The following KCNN4 variants were observed in gnomAD, a reference collection of about 807,000 sequenced individuals.
KCNN4 encodes potassium calcium-activated channel subfamily N member 4.
Under a neutral mutation model 45.2 loss-of-function variants are expected in KCNN4, and 31 were observed. That is an observed-to-expected ratio of 0.69 (90% confidence interval 0.52 to 0.92). The LOEUF (loss-of-function observed/expected upper bound fraction) is 0.92. KCNN4 is among the 40% of genes least tolerant of loss of function. The pLI is 0.00. For missense variants in KCNN4, 463 were observed against 574.0 expected, an observed-to-expected ratio of 0.81 and a Z score of 1.98; for synonymous variants, 231 against 254.6, an observed-to-expected ratio of 0.91 and a Z score of 0.88.
At chr19:43,771,433 A>G (rs1969640453) in intron 4 of KCNN4, among the ~76,000 whole-genome samples, 1 of 152,122 alleles carries the variant, frequency 6.6e-6, no homozygotes, top group South Asian at 2.1e-4. Context: ...GCCCCGAGAG[A>G]TCACGTGGCT....
In KCNN4 at chr19:43,769,492, C is replaced by A; in HGVS notation, c.999G>T (p.Glu333Asp). Residue 333 changes from glutamate to aspartate, a missense_variant, in exon 6 of 9, where the codon GAG (glutamate) becomes GAT (aspartate). This residue lies in a region of KCNN4 where 129 missense variants were observed against 149.4 expected (regional missense o/e 0.86). Coordinates refer to ENST00000648319, the MANE Select transcript of KCNN4 (RefSeq NM_002250.3). This position sits in a 1 kb window ranked among gnomAD's most constrained non-coding sequence, Gnocchi z 4.4. ...WMFYKHTRRK[E>D]SHAARRHQRK... ...GCTGATGCCTGCGGGCAGCATGAGA[C>A]TCCTTCCTGCGAGTATGTTTGTAGA... 6.2e-7 allele frequency: 1 copy of A among 1,614,228 alleles called. No homozygotes were observed. Among genetic ancestry groups the A allele is most frequent in the Non-Finnish European group, 8.5e-7 (1 of 1,180,046 alleles).
At position 43,774,452 on chromosome 19, in the gene KCNN4, C is replaced by T. The variant is rs1463301772; in HGVS notation, c.423G>A (p.Trp141Ter). The change falls in exon 3 of 9, where the codon TGG (tryptophan) becomes TGA (stop). Residue 141 changes from tryptophan to a stop codon, truncating the protein, a stop_gained. Coordinates refer to ENST00000648319, the MANE Select transcript of KCNN4 (RefSeq NM_002250.3). LOFTEE classifies it high-confidence loss of function. This position sits in a 1 kb window ranked among gnomAD's most constrained non-coding sequence, Gnocchi z 5.6. The stretch of plus-strand genomic sequence containing the variant: ...CTTCCCCTTGGCCCAGGAATCCCGG[C>T]CAGGGCTGCGGGGAGGTCAGCGGCG... ...LGAPLTSPQP[W>*]PGFLGQGEAL... The T allele has an allele frequency of 4.4e-6, 7 of 1,595,308 alleles. No homozygotes were observed. The highest frequency in any genetic ancestry group is 1.3e-5 in the African/African-American group (1 of 74,530).
At position 43,774,557 on chromosome 19, in the gene KCNN4, C is replaced by T. The variant is rs2146455707; in HGVS notation, c.318G>A (p.Ala106=). 6.4e-7 allele frequency: 1 copy of T among 1,557,856 alleles called. No homozygotes were observed. The highest frequency in any genetic ancestry group is 1.7e-4 in the Middle Eastern group (1 of 5,796). The change falls in exon 3 of 9, where the codon GCG becomes GCA. Residue 106 remains alanine (A), a synonymous_variant. Coordinates refer to ENST00000648319, the MANE Select transcript of KCNN4 (RefSeq NM_002250.3). This position sits in a 1 kb window ranked among gnomAD's most constrained non-coding sequence, Gnocchi z 5.6. ...WRVALTGRQA[A]QIVLELVVCG... is the part of the protein sequence containing the mutation. Reference sequence around the variant, plus strand: ...ACACCACCAGCTCCAGCACGATCTGCGCCGCCTGCCGCCCGGTCAGCGCCA... The same window carrying T: ...ACACCACCAGCTCCAGCACGATCTGTGCCGCCTGCCGCCCGGTCAGCGCCA...
At chr19:43,779,844 A>C (rs946539514) in intron 1 of KCNN4, among the ~76,000 whole-genome samples, 3 of 151,854 alleles carry the variant, frequency 2.0e-5, no homozygotes, top group Non-Finnish European at 4.4e-5. Flanking sequence ...GGCCACTGTA[A>C]GCCTACCTCT....
rs1454757281 is a variant in KCNN4 at position 43,769,988 on chromosome 19, C to A, written c.820-159G>T. ...AAGGTCCCAGCTCAGAGCGGTGGAGCTAGAATCATAAATCGCATACGTCCG... is the reference window on the plus strand; with the variant it reads ...AAGGTCCCAGCTCAGAGCGGTGGAGATAGAATCATAAATCGCATACGTCCG... On this transcript the variant is annotated intron_variant, in intron 4 of 8. Coordinates refer to ENST00000648319, the MANE Select transcript of KCNN4 (RefSeq NM_002250.3). The surrounding 1 kb of genome is among the most constrained non-coding windows in gnomAD (Gnocchi z 4.4). 6.6e-6 allele frequency among the ~76,000 whole-genome samples: 1 copy of A among 152,042 alleles called. No individual in the cohort carries two copies. The highest frequency in any genetic ancestry group is 1.5e-5 in the Non-Finnish European group (1 of 68,022).
Position 43,772,172 on chromosome 19 carries a change from A to G in KCNN4, c.684-37T>C, listed in dbSNP as rs1227557977. 1 of 1,607,382 alleles carries G rather than the reference A, an allele frequency of 6.2e-7. No homozygotes were observed. The highest frequency in any genetic ancestry group is 2.2e-5 in the East Asian group (1 of 44,612). ...GGTAGGTTAGTTCTAAAACCCCACC[A>G]TAGAGGTTTCCATGATATTCACTCC... On this transcript the variant is annotated intron_variant, in intron 3 of 8. Transcript: ENST00000648319. The surrounding 1 kb of genome is among the most constrained non-coding windows in gnomAD (Gnocchi z 4.4).
intron 1 of KCNN4, among the ~76,000 whole-genome samples, chr19:43,777,946 CA>C (rs1969860792): frequency 6.6e-6 from 1 of 152,228 alleles, no homozygotes; most frequent in African/African-American, 2.4e-5. Flanking sequence ...GCCTGCTCCC[CA>C]ACCCCCTATC....
chr19:43,771,618 G>A (rs185451038), intron 4 of KCNN4, among the ~76,000 whole-genome samples: 87 of 152,292 alleles, frequency 5.7e-4, no homozygotes, highest in Middle Eastern at 3.4e-3. Context: ...TCCCTGAGGA[G>A]GATAAGGGCT....
At chr19:43,775,047 C>T (rs901234156) in intron 2 of KCNN4, among the ~76,000 whole-genome samples, 6 of 152,222 alleles carry the variant, frequency 3.9e-5, no homozygotes, top group African/African-American at 1.4e-4. Flanking sequence ...AGCCATGGGC[C>T]GGGCGCGATG....
rs547792101 is a variant in KCNN4, at chr19:43,766,713, A to C, written c.*380T>G. The stretch of plus-strand genomic sequence containing the variant: ...CCAGTTCTTCAGCTCGGCCAGCGGT[A>C]ACTGAAGCCTCCCAGAATCCTGGAT... On this transcript the variant is annotated 3_prime_UTR_variant, in exon 9 of 9. Transcript: ENST00000648319. The C allele has an allele frequency of 1.3e-5, 2 of 152,726 alleles. No homozygotes were observed. The highest frequency in any genetic ancestry group is 3.9e-4 in the East Asian group (2 of 5,152). 9.5% of individuals were successfully genotyped at this position (152,726 alleles called of 1,614,324 possible).
At chr19:43,768,516 C>T (rs1165289363) in intron 7 of KCNN4, among the ~76,000 whole-genome samples, 3 of 152,240 alleles carry the variant, frequency 2.0e-5, no homozygotes, top group Non-Finnish European at 4.4e-5. Context: ...AGTACCCCTC[C>T]ACAAGAGCAG....
intron 1 of KCNN4, among the ~76,000 whole-genome samples, chr19:43,777,931 C>T (rs1969860309): frequency 6.6e-6 from 1 of 152,204 alleles, no homozygotes; most frequent in South Asian, 2.1e-4. Context: ...TTTCCTGCCC[C>T]AGGGGCCTGC....
Position 43,774,337 on chromosome 19 carries a change from G to C in KCNN4, c.538C>G (p.Arg180Gly). 2 of 1,610,572 alleles carry C rather than the reference G, an allele frequency of 1.2e-6. No homozygotes were observed. The highest frequency in any genetic ancestry group is 1.7e-6 in the Non-Finnish European group (2 of 1,178,478). ...RSGVLLNASY[R>G]SIGALNQVRF... ...ACTTGATTGAGAGCGCCGATGCTGC[G>C]GTAGGAAGCGTTGAGCAGGACGCCG... The change falls in exon 3 of 9, where the codon CGC becomes GGC. Residue 180 changes from arginine (R) to glycine (G), a missense_variant. By Grantham distance (125) the Arg-to-Gly change is moderately radical. This residue lies in a region of KCNN4 where 225 missense variants were observed against 240.9 expected (regional missense o/e 0.93). Transcript: ENST00000648319. This position sits in a 1 kb window ranked among gnomAD's most constrained non-coding sequence, Gnocchi z 5.6.
chr19:43,774,372 A>C lies in KCNN4; in HGVS notation c.503T>G (p.Leu168Arg), dbSNP rs201386431. 10 of 1,605,654 alleles carry C rather than the reference A, an allele frequency of 6.2e-6. No homozygotes were observed. Among genetic ancestry groups the C allele is most frequent in the Non-Finnish European group, 8.5e-6 (10 of 1,176,296 alleles). ...LRLYLVPRAV[L>R]LRSGVLLNAS... ...GTTGAGCAGGACGCCGCTGCGCAGG[A>C]GCACGGCGCGGGGCACCAGGTAGAG... Residue 168 changes from leucine to arginine, a missense_variant, in exon 3 of 9, where the codon CTC (leucine) becomes CGC (arginine). Transcript: ENST00000648319. The surrounding 1 kb of genome is among the most constrained non-coding windows in gnomAD (Gnocchi z 5.6).
intron 2 of KCNN4, among the ~76,000 whole-genome samples, chr19:43,776,190 A>G (rs2163860): frequency 0.41 from 58,652 of 144,494 alleles, 12,099 homozygotes; most frequent in Admixed American, 0.48. Context: ...AGGTTGCTTG[A>G]GGACTGGATT....
At chr19:43,767,199 G>T (rs893013797) in intron 8 of KCNN4, 110 bp from the exon 9 acceptor site, 1 of 258,392 alleles carries the variant, frequency 3.9e-6, no homozygotes, top group Non-Finnish European at 7.8e-6. Context: ...GAGACAGGGG[G>T]CAGGTGTTTC....
intron 3 of KCNN4, among the ~76,000 whole-genome samples, chr19:43,773,935 T>C (rs73567412): frequency 0.029 from 4,418 of 152,116 alleles, 204 homozygotes; most frequent in African/African-American, 0.099. Flanking sequence ...AGGGAGGGGC[T>C]TTCTAGGGTC....
In KCNN4 at chr19:43,769,032, C is replaced by T; in HGVS notation, c.1050G>A (p.Ala350=). The T allele has an allele frequency of 6.2e-7, 1 of 1,614,082 alleles. No homozygotes were observed. The highest frequency in any genetic ancestry group is 1.6e-4 in the Middle Eastern group (1 of 6,062). Reference sequence around the variant, plus strand: ...GGTGTTTCAGCCGCACCTGGCGGAACCTGTGGGAAGAAGTGGGGAGTCAGT... The same window carrying T: ...GGTGTTTCAGCCGCACCTGGCGGAATCTGTGGGAAGAAGTGGGGAGTCAGT... ...HQRKLLAAIN[A]FRQVRLKHRK... The change falls in exon 7 of 9, where the codon GCG becomes GCA. Residue 350 remains alanine, a splice_region_variant and synonymous_variant. Transcript: ENST00000648319. The surrounding 1 kb of genome is among the most constrained non-coding windows in gnomAD (Gnocchi z 4.4).
rs980563068 is a variant in KCNN4 at position 43,780,937 on chromosome 19, T to C, written c.-76A>G. The C allele has an allele frequency of 1.7e-5, 25 of 1,485,728 alleles. No individual in the cohort carries two copies. The African/African-American group carries it at 2.8e-4, about 16-fold the overall frequency. 92.0% of individuals were successfully genotyped at this position (1,485,728 alleles called of 1,614,324 possible). ...CTCGCAGCACGCACAGGGCAGCCAC[T>C]GTGGCTTGCAGGTCGTCAGCCTGCT... On this transcript the variant is annotated 5_prime_UTR_variant, in exon 1 of 9. Coordinates refer to ENST00000648319, the MANE Select transcript of KCNN4 (RefSeq NM_002250.3).
Sources: gnomAD v4.1 joint callset for allele counts (sites outside exome capture counted in the v4.1 genomes callset) on GRCh38, gnomAD v4.1.1 for gene constraint, gnomAD v4.1.1 regional missense constraint, Gnocchi (gnomAD v3.1) non-coding constraint, MANE v1.5 for transcripts, NCBI Gene and HGNC (gene_info 2026-07-23, HGNC 2026-07-21) for gene names.